PRUNE1: variants seen among roughly 807,000 people sequenced by gnomAD.
The protein encoded by PRUNE1 is prune exopolyphosphatase 1.
Under a neutral mutation model 42.5 loss-of-function variants are expected in PRUNE1, and 25 were observed. The ratio of observed to expected loss-of-function variants is 0.59; its 90% CI spans 0.43 to 0.82. The LOEUF is 0.82. Ranked by LOEUF, PRUNE1 falls within the 40% of genes least tolerant of loss-of-function variation. PRUNE1 has a pLI of 0.00. For synonymous variants in PRUNE1, 203 were observed against 217.1 expected, an observed-to-expected ratio of 0.93 and a Z score of 0.57; for missense variants, 443 against 539.3, an observed-to-expected ratio of 0.82 and a Z score of 1.77.
chr1:151,013,225 T>A (rs1673887554), intron 1 of PRUNE1, among the ~76,000 whole-genome samples: 1 of 152,210 alleles, frequency 6.6e-6, no homozygotes, highest in African/African-American at 2.4e-5. Context: ...GCTGGGAATG[T>A]GCACATCATG....
At chr1:151,017,051 T>C (rs1674144657) in intron 1 of PRUNE1, among the ~76,000 whole-genome samples, 2 of 149,816 alleles carry the variant, frequency 1.3e-5, no homozygotes, top group African/African-American at 4.9e-5. Flanking sequence ...TCCCAGCTAC[T>C]TGTGAGGCTG....
At chr1:151,033,422 G>A (rs1258201167) in intron 7 of PRUNE1, among the ~76,000 whole-genome samples, 3 of 119,446 alleles carry the variant, frequency 2.5e-5, no homozygotes, top group African/African-American at 1.0e-4. Flanking sequence ...ATGCAGTGTT[G>A]CTCTGTCGCC....
intron 1 of PRUNE1, 61 bp downstream of exon 1, chr1:151,008,732 C>G: frequency 6.4e-7 from 1 of 1,571,538 alleles, no homozygotes; most frequent in Non-Finnish European, 8.7e-7. Context: ...AGGACGAAGA[C>G]GTGGGATCTG....
At chr1:151,012,428 C>G (rs80313919) in intron 1 of PRUNE1, among the ~76,000 whole-genome samples, 2,099 of 152,244 alleles carry the variant, frequency 0.014, 53 homozygotes, top group African/African-American at 0.048. Flanking sequence ...ATAAGCGTCC[C>G]AGTTTGAACA....
rs1426975986 is a variant in PRUNE1 at position 151,025,563 on chromosome 1, C to G, written c.569C>G (p.Ala190Gly). 2 of 1,613,736 alleles carry G rather than the reference C, an allele frequency of 1.2e-6. No individual in the cohort carries two copies. The highest frequency in any genetic ancestry group is 1.7e-6 in the Non-Finnish European group (2 of 1,179,874). ...AACATGGACCTTAAAATTGGAAAGG[C>G]AACCCCAAAGGACAGCAAATATGTG... ...CVNMDLKIGK[A>G]TPKDSKYVEK... The change falls in exon 5 of 8, where the codon GCA becomes GGA. Residue 190 changes from alanine (A) to glycine (G), a missense_variant. Coordinates refer to ENST00000271620, the MANE Select transcript of PRUNE1 (RefSeq NM_021222.3).
chr1:151,026,673 GAAGA>G (rs1445568081), intron 5 of PRUNE1, among the ~76,000 whole-genome samples: 4 of 151,922 alleles, frequency 2.6e-5, no homozygotes, highest in South Asian at 4.2e-4. Context: ...ACATAAAAAG[GAAGA>G]AAGAAAGAAA....
chr1:151,022,026 C>T (rs1210543381), intron 3 of PRUNE1, among the ~76,000 whole-genome samples: 4 of 151,076 alleles, frequency 2.6e-5, no homozygotes, highest in African/African-American at 4.9e-5. Flanking sequence ...TAGAGTACAG[C>T]GGCATCATCA....
At chr1:151,012,406 C>T (rs1256973647) in intron 1 of PRUNE1, among the ~76,000 whole-genome samples, 1 of 152,198 alleles carries the variant, frequency 6.6e-6, no homozygotes, top group East Asian at 1.9e-4. Context: ...AATAGCACCC[C>T]TTTTCATTCT....
At chr1:151,017,342 A>G (rs587710924) in intron 1 of PRUNE1, among the ~76,000 whole-genome samples, 1 of 152,296 alleles carries the variant, frequency 6.6e-6, no homozygotes, top group Admixed American at 6.5e-5. Flanking sequence ...GTAGAATGCT[A>G]TAAGCTTAGC....
rs1674767555 is a variant in PRUNE1, at chr1:151,025,451, A to G, written c.521-64A>G. ...TGTCCATTTGGTGTGAAGGTTATAT[A>G]TGTTCTGGTGGTTGTGTGTGAAGGG... On this transcript the variant is annotated intron_variant, in intron 4 of 7. Transcript: ENST00000271620. The G allele has an allele frequency of 2.7e-6, 4 of 1,497,618 alleles. No homozygotes were observed. The South Asian group carries it at 3.7e-5, about 14-fold the overall frequency. 92.8% of individuals were successfully genotyped at this position (1,497,618 alleles called of 1,614,324 possible). A position where few individuals can be genotyped will look rare whatever the true frequency, so the allele number is the denominator to read the frequency against.
intron 1 of PRUNE1, among the ~76,000 whole-genome samples, chr1:151,013,674 C>T (rs182317752): frequency 6.6e-5 from 10 of 152,288 alleles, no homozygotes; most frequent in Admixed American, 6.5e-4. Context: ...TTCCTCCAGT[C>T]AGGGCCATAT....
chr1:151,031,853 A>G (rs956668301), intron 7 of PRUNE1, among the ~76,000 whole-genome samples: 4 of 152,214 alleles, frequency 2.6e-5, no homozygotes, highest in African/African-American at 7.2e-5. Context: ...TTTAACTGCC[A>G]TCATCTGCAT....
intron 3 of PRUNE1, among the ~76,000 whole-genome samples, chr1:151,021,261 G>C (rs1674414466): frequency 1.3e-5 from 2 of 151,890 alleles, no homozygotes. Context: ...TTTGAGACCA[G>C]CCTGACCAAC....
intron 6 of PRUNE1, among the ~76,000 whole-genome samples, chr1:151,028,408 T>TTTTTGTTTTG (rs926145606): frequency 3.2e-4 from 49 of 151,694 alleles, no homozygotes; most frequent in South Asian, 2.3e-3. Flanking sequence ...CCCAGCTAAT[T>TTTTTGTTTTG]TTTTGTTTTG....
intron 3 of PRUNE1, among the ~76,000 whole-genome samples, chr1:151,024,044 G>A (rs587619017): frequency 5.3e-5 from 8 of 151,696 alleles, no homozygotes; most frequent in Admixed American, 3.9e-4. Flanking sequence ...AAAATTAGCC[G>A]GGTTTGGTGG....
chr1:151,018,304 A>C, intron 2 of PRUNE1, 163 bp from the exon 3 acceptor site: 1 of 770,908 alleles, frequency 1.3e-6, no homozygotes, highest in Non-Finnish European at 2.3e-6. Context: ...ACTAAGAAGG[A>C]GGGAGGGCAA....
At chr1:151,033,687 G>A (rs1196490841) in intron 7 of PRUNE1, 119 bp from the exon 8 acceptor site, 13 of 1,014,772 alleles carry the variant, frequency 1.3e-5, no homozygotes, top group South Asian at 9.6e-5. Flanking sequence ...ACCGCACCCC[G>A]CCCGGCCGAC....
rs587684733 is a variant in PRUNE1, at chr1:151,029,618, T to C, written c.933+674T>C. ...TCCTGACCTCGTGATCCGCCCGCCT[T>C]GGCCTCCCAAAGTGCTGGGATTACA... is the stretch of plus-strand genomic sequence containing the variant. On this transcript the variant is annotated intron_variant, in intron 7 of 7. Transcript: ENST00000271620. Among the ~76,000 whole-genome samples the C allele has an allele frequency of 3.3e-3, 501 of 151,642 alleles. 2 individuals are homozygous for C. The South Asian group carries it at 0.033, about 10-fold the overall frequency.
At chr1:151,017,782 T>C in intron 1 of PRUNE1, 30 bp from the exon 2 acceptor site, 1 of 1,383,262 alleles carries the variant, frequency 7.2e-7, no homozygotes, top group East Asian at 2.3e-5. Flanking sequence ...GAGATACTTT[T>C]GTTAGTTTCC....
Sources: allele counts gnomAD v4.1 joint callset (sites outside exome capture counted in the v4.1 genomes callset), GRCh38; gene constraint gnomAD v4.1.1; transcripts MANE v1.5; gene names NCBI Gene and HGNC (gene_info 2026-07-23, HGNC 2026-07-21).